SORL1: variants seen among roughly 807,000 people sequenced by gnomAD.
SORL1 encodes sortilin-related receptor.
A neutral mutation model predicts 273.7 loss-of-function variants in SORL1; 127 were observed. The observed-to-expected ratio is 0.46, with a 90% CI of 0.40 to 0.54. The LOEUF (loss-of-function observed/expected upper bound fraction) is 0.54. Ranked by LOEUF, SORL1 falls within the 20% of genes least tolerant of loss-of-function variation. The probability of loss-of-function intolerance (pLI) is 0.00; values close to 1 mark genes in which losing one functional copy is unlikely to be tolerated. For missense variants in SORL1, 2,494 were observed against 2,846.1 expected (o/e 0.88, Z 2.81); for synonymous variants, 1,031 against 1,067.4 (o/e 0.97, Z 0.66).
At chr11:121,477,255 A>G (rs1460109751) in intron 2 of SORL1, among the ~76,000 whole-genome samples, 4 of 152,294 alleles carry the variant, frequency 2.6e-5, no homozygotes, top group East Asian at 3.9e-4. Context: ...TTGTCACGTC[A>G]CTCAGCAATC....
intron 1 of SORL1, among the ~76,000 whole-genome samples, chr11:121,455,877 T>C (rs1022261001): frequency 2.6e-5 from 4 of 151,784 alleles, no homozygotes; most frequent in Admixed American, 2.0e-4. Flanking sequence ...CCTGTAGTCC[T>C]GGCTACTCAA....
Position 121,555,177 on chromosome 11 carries a change from C to T in SORL1, c.2440-10C>T, listed in dbSNP as rs765294595. 35 of 1,609,618 alleles carry T rather than the reference C, an allele frequency of 2.2e-5. No homozygotes were observed. The highest frequency in any genetic ancestry group is 2.8e-5 in the Non-Finnish European group (33 of 1,177,642). On this transcript the variant is annotated splice_polypyrimidine_tract_variant and intron_variant, in intron 17 of 47. Coordinates refer to ENST00000260197, the MANE Select transcript of SORL1 (RefSeq NM_003105.6). The stretch of plus-strand genomic sequence containing the variant: ...GTTCCTAGCATTTATTATTACTTTT[C>T]TCTCTTAAGCGCCTCTGTTTGAATG...
At chr11:121,531,789 C>G (rs1055200794) in intron 11 of SORL1, among the ~76,000 whole-genome samples, 2 of 152,206 alleles carry the variant, frequency 1.3e-5, no homozygotes, top group African/African-American at 4.8e-5. Context: ...ACTTTTTTGA[C>G]ACTCTCTGCT....
At chr11:121,519,119 TG>T (rs1861997039) in intron 8 of SORL1, among the ~76,000 whole-genome samples, 1 of 151,782 alleles carries the variant, frequency 6.6e-6, no homozygotes, top group African/African-American at 2.4e-5. Flanking sequence ...AGCTAATTTT[TG>T]TATTATTAAT....
At chr11:121,571,150 G>A (rs989390206) in intron 23 of SORL1, among the ~76,000 whole-genome samples, 16 of 152,224 alleles carry the variant, frequency 1.1e-4, no homozygotes, top group African/African-American at 3.1e-4. Context: ...GCACTGCGAT[G>A]CGGAAGTGTC....
At position 121,478,327 on chromosome 11, in the gene SORL1, A is replaced by C. The variant is rs1404081749; in HGVS notation, c.528+84A>C. 3.4e-6 allele frequency: 5 copies of C among 1,455,928 alleles called. No individual in the cohort carries two copies. The East Asian group carries it at 9.5e-5, about 28-fold the overall frequency. 90.2% of individuals were successfully genotyped at this position (1,455,928 alleles called of 1,614,324 possible). ...GCCGCACTTAAGGGGGTGCTAGGAG[A>C]TGGCGCTCTCTGTGATCTTTGTAGC... On this transcript the variant is annotated intron_variant, in intron 3 of 47. Transcript: ENST00000260197.
Position 121,470,128 on chromosome 11 carries a change from G to A in SORL1, c.402+5G>A. Reference sequence around the variant, plus strand: ...GCGAGGCCCAAGAGCAGTGATGTAAGTGTTGTGTTGGCTCTGGGCACACCT... The same window carrying A: ...GCGAGGCCCAAGAGCAGTGATGTAAATGTTGTGTTGGCTCTGGGCACACCT... On this transcript the variant is annotated splice_donor_5th_base_variant and intron_variant, in intron 2 of 47. Coordinates refer to ENST00000260197, the MANE Select transcript of SORL1 (RefSeq NM_003105.6). The A allele has an allele frequency of 6.3e-7, 1 of 1,598,244 alleles. No individual in the cohort carries two copies. Among genetic ancestry groups the A allele is most frequent in the Non-Finnish European group, 8.6e-7 (1 of 1,165,536 alleles).
intron 43 of SORL1, among the ~76,000 whole-genome samples, chr11:121,620,148 C>T (rs1235294695): frequency 6.6e-6 from 1 of 152,234 alleles, no homozygotes; most frequent in African/African-American, 2.4e-5. Context: ...GTCCCTCTTT[C>T]TCCTCCGCTG....
intron 46 of SORL1, chr11:121,626,513 G>GAAT (rs1863797200): frequency 6.6e-6 from 1 of 151,710 alleles, no homozygotes; most frequent in East Asian, 1.9e-4. Context: ...CACGAATATT[G>GAAT]AATTGTTAGA....
At chr11:121,471,377 C>T (rs149576768) in intron 2 of SORL1, among the ~76,000 whole-genome samples, 194 of 152,270 alleles carry the variant, frequency 1.3e-3, no homozygotes, top group African/African-American at 4.3e-3. Flanking sequence ...TTACAGACAC[C>T]GCGTGAGCCA....
rs74811057 is a variant in SORL1 at position 121,625,161 on chromosome 11, A to G, written c.6248A>G (p.Lys2083Arg). The G allele has an allele frequency of 2.2e-3, 3,558 of 1,613,922 alleles. 72 individuals carry two copies. The African/African-American group carries it at 0.041, about 19-fold the overall frequency. The change falls in exon 46 of 48, where the codon AAA (lysine) becomes AGA (arginine). Residue 2083 changes from lysine (K) to arginine (R), a missense_variant. Physicochemically the swap from Lys to Arg is conservative, Grantham distance 26. Coordinates refer to ENST00000260197, the MANE Select transcript of SORL1 (RefSeq NM_003105.6). ...YLGNTTDNFF[K>R]ISNLKMGHNY... ...GGGAATACTACTGACAATTTCTTTA[A>G]AATTTCCAACCTGAAGATGGGTCAT...
chr11:121,582,901 G>A (rs1863033641), intron 25 of SORL1, among the ~76,000 whole-genome samples: 1 of 152,022 alleles, frequency 6.6e-6, no homozygotes, highest in Non-Finnish European at 1.5e-5. Flanking sequence ...AACTTAGCAG[G>A]GCCCTTAGGT....
At chr11:121,467,410 G>A (rs906893045) in intron 1 of SORL1, among the ~76,000 whole-genome samples, 3 of 152,158 alleles carry the variant, frequency 2.0e-5, no homozygotes, top group Admixed American at 1.3e-4. Context: ...ATCACTGAAA[G>A]CTTTGCAACC....
chr11:121,606,740 A>G (rs371343830), intron 35 of SORL1, 105 bp from the exon 36 acceptor site: 31 of 761,980 alleles, frequency 4.1e-5, no homozygotes, highest in Admixed American at 1.8e-4. Context: ...GATAGTCTCA[A>G]TGCCGGCTGT....
At chr11:121,469,548 A>T (rs909752040) in intron 1 of SORL1, among the ~76,000 whole-genome samples, 1 of 152,264 alleles carries the variant, frequency 6.6e-6, no homozygotes, top group African/African-American at 2.4e-5. Flanking sequence ...AGTGAATGAC[A>T]GTACCACCAA....
At chr11:121,502,104 T>A (rs1392690792) in intron 6 of SORL1, among the ~76,000 whole-genome samples, 2 of 149,422 alleles carry the variant, frequency 1.3e-5, no homozygotes, top group East Asian at 3.9e-4. Flanking sequence ...GGAGTGTAAC[T>A]ACTGGGTCAT....
chr11:121,586,988 T>C (rs1863125866), intron 27 of SORL1, among the ~76,000 whole-genome samples: 1 of 152,174 alleles, frequency 6.6e-6, no homozygotes, highest in South Asian at 2.1e-4. Context: ...AACTAGCCTG[T>C]GGGCAAAATC....
intron 45 of SORL1, among the ~76,000 whole-genome samples, chr11:121,622,737 T>C (rs78271129): frequency 0.019 from 2,871 of 152,350 alleles, 69 homozygotes; most frequent in Middle Eastern, 0.027. Flanking sequence ...GATACTGTGC[T>C]AACTTATGAA....
intron 6 of SORL1, among the ~76,000 whole-genome samples, chr11:121,498,497 TG>T (rs1381840425): frequency 3.3e-5 from 5 of 152,340 alleles, no homozygotes; most frequent in Admixed American, 2.6e-4. Context: ...TCCTCCTTTT[TG>T]CTTGAACCAG....
Sources: allele counts gnomAD v4.1 joint callset (sites outside exome capture counted in the v4.1 genomes callset), GRCh38; gene constraint gnomAD v4.1.1; transcripts MANE v1.5; gene names NCBI Gene and HGNC (gene_info 2026-07-23, HGNC 2026-07-21).